Variants in THSD7A observed in about 807,000 individuals in gnomAD.
THSD7A encodes the protein thrombospondin type 1 domain containing 7A.
Under a neutral mutation model 231.3 loss-of-function variants are expected in THSD7A, and 96 were observed. The observed-to-expected ratio is 0.41, with a 90% CI of 0.35 to 0.49. THSD7A has a LOEUF of 0.49. Among genes scored for constraint, THSD7A ranks in the 20% least tolerant of loss-of-function variants. The probability of loss-of-function intolerance (pLI) is 0.05; values close to 1 mark genes in which losing one functional copy is unlikely to be tolerated. For missense variants in THSD7A, 2,290 were observed against 2,070.2 expected, an observed-to-expected ratio of 1.11 and a Z score of -2.06; for synonymous variants, 940 against 743.3, an observed-to-expected ratio of 1.26 and a Z score of -4.30.
chr7:11,755,535 T>C (rs1369446492), intron 1 of THSD7A, among the ~76,000 whole-genome samples: 1 of 152,062 alleles, frequency 6.6e-6, no homozygotes, highest in East Asian at 1.9e-4. Flanking sequence ...GAGGCAGCTC[T>C]GTCACCTATG....
In THSD7A at chr7:11,637,259, T is replaced by C. The variant is rs897496558; in HGVS notation, c.191-298A>G. Among the ~76,000 whole-genome samples the C allele has an allele frequency of 1.3e-5, 2 of 152,202 alleles. No homozygotes were observed. The highest frequency in any genetic ancestry group is 2.9e-5 in the Non-Finnish European group (2 of 68,032). On this transcript the variant is annotated intron_variant, in intron 1 of 27. Coordinates refer to ENST00000423059, the MANE Select transcript of THSD7A (RefSeq NM_015204.3). The surrounding 1 kb of genome is among the most constrained non-coding windows in gnomAD (Gnocchi z 4.2). ...CTTTGTTTTAGGTAGTTAGAAATCC[T>C]TGCTGATAAAGGACATCAGAAATTA... is the stretch of plus-strand genomic sequence containing the variant.
chr7:11,624,010 C>T (rs1324587161), intron 2 of THSD7A, among the ~76,000 whole-genome samples: 1 of 152,178 alleles, frequency 6.6e-6, no homozygotes, highest in African/African-American at 2.4e-5. Flanking sequence ...TTTGCCAGCA[C>T]TATCCAAATC....
rs1215954687 is a variant in THSD7A, at chr7:11,474,848, T to C, written c.2018-280A>G. Among the ~76,000 whole-genome samples the C allele has an allele frequency of 6.6e-6, 1 of 152,070 alleles. No homozygotes were observed. Among genetic ancestry groups the C allele is most frequent in the Non-Finnish European group, 1.5e-5 (1 of 68,014 alleles). Reference sequence around the variant, plus strand: ...TATAATTCTAGATAGAATGAAATAATTATATTGTGCGGTATTTAGTATAAC... The same window carrying C: ...TATAATTCTAGATAGAATGAAATAACTATATTGTGCGGTATTTAGTATAAC... On this transcript the variant is annotated intron_variant, in intron 7 of 27. Coordinates refer to ENST00000423059, the MANE Select transcript of THSD7A (RefSeq NM_015204.3). This position sits in a 1 kb window ranked among gnomAD's most constrained non-coding sequence, Gnocchi z 4.1.
rs180699593 is a variant in THSD7A at position 11,610,143 on chromosome 7, T to C, written c.1023-16641A>G. Reference sequence around the variant, plus strand: ...TTAATAACTTTTTTAGTAGTAACTTTCCTCTCTGGAAGCCACCTAAAACTG... The same window carrying C: ...TTAATAACTTTTTTAGTAGTAACTTCCCTCTCTGGAAGCCACCTAAAACTG... On this transcript the variant is annotated intron_variant, in intron 2 of 27. Coordinates refer to ENST00000423059, the MANE Select transcript of THSD7A (RefSeq NM_015204.3). Among the ~76,000 whole-genome samples the C allele has an allele frequency of 7.7e-4, 117 of 152,278 alleles. No individual in the cohort carries two copies. The East Asian group carries it at 0.019, about 25-fold the overall frequency.
intron 1 of THSD7A, among the ~76,000 whole-genome samples, chr7:11,764,569 C>CAAAA (rs11423096): frequency 3.8e-5 from 4 of 106,330 alleles, no homozygotes; most frequent in African/African-American, 1.0e-4. Context: ...GACTCCGTCT[C>CAAAA]AAAAAAAAAA....
rs1243825882 is a variant in THSD7A, at chr7:11,462,137, G to C, written c.2375C>G (p.Ser792Cys). 5 of 1,613,558 alleles carry C rather than the reference G, an allele frequency of 3.1e-6. No individual in the cohort carries two copies. Among genetic ancestry groups the C allele is most frequent in the South Asian group, 1.1e-5 (1 of 91,078 alleles). The change falls in exon 10 of 28, where the codon TCC (serine) becomes TGC (cysteine). Residue 792 changes from serine to cysteine, a missense_variant. Physicochemically the swap from Ser to Cys is moderately radical, Grantham distance 112 (BLOSUM62 -1). Transcript: ENST00000423059. ...SCPSSCKEGD[S>C]SIRKQSRHRV... Reference sequence around the variant, plus strand: ...ATGCCTAGACTGCTTCCTGATACTGGAGTCCCCTGCAATGAAGCAGTTTTT... The same window carrying C: ...ATGCCTAGACTGCTTCCTGATACTGCAGTCCCCTGCAATGAAGCAGTTTTT...
At chr7:11,781,534 CTAT>C (rs770025275) in intron 1 of THSD7A, among the ~76,000 whole-genome samples, 11 of 152,120 alleles carry the variant, frequency 7.2e-5, no homozygotes, top group Non-Finnish European at 1.5e-4. Context: ...TGTAAAAATC[CTAT>C]TTAATAACTT....
chr7:11,539,533 T>G (rs1260873779), intron 6 of THSD7A, among the ~76,000 whole-genome samples: 4 of 152,242 alleles, frequency 2.6e-5, no homozygotes, highest in Admixed American at 2.0e-4. Context: ...GCTTTTTAGG[T>G]TATAACATAC....
intron 4 of THSD7A, among the ~76,000 whole-genome samples, chr7:11,558,064 T>G (rs1583971158): frequency 6.6e-6 from 1 of 152,182 alleles, no homozygotes; most frequent in Admixed American, 6.5e-5. Flanking sequence ...TTTGTTAGGG[T>G]TTTTACAAAT....
At chr7:11,795,540 C>A (rs1638978170) in intron 1 of THSD7A, among the ~76,000 whole-genome samples, 1 of 151,826 alleles carries the variant, frequency 6.6e-6, no homozygotes. Context: ...TTGTAGGTCG[C>A]ATTCATTATG....
chr7:11,531,297 C>A (rs1040093360), intron 6 of THSD7A, among the ~76,000 whole-genome samples: 1 of 152,118 alleles, frequency 6.6e-6, no homozygotes, highest in Non-Finnish European at 1.5e-5. Flanking sequence ...TTCTCTGCTC[C>A]CCTAAAGTTC....
intron 1 of THSD7A, among the ~76,000 whole-genome samples, chr7:11,730,776 C>T (rs1781701131): frequency 6.6e-6 from 1 of 151,504 alleles, no homozygotes; most frequent in African/African-American, 2.4e-5. Flanking sequence ...TGTTGAATAT[C>T]CCCTTTATAT....
In THSD7A at chr7:11,424,336, G is replaced by A. The variant is rs1302723464; in HGVS notation, c.3383+360C>T. On this transcript the variant is annotated intron_variant, in intron 16 of 27. Coordinates refer to ENST00000423059, the MANE Select transcript of THSD7A (RefSeq NM_015204.3). ...AGGATAGTATTCAGTTAGCCAGTTTGATACAAAAGAGCAAGAGTTTAAAAC... is the reference window on the plus strand; with the variant it reads ...AGGATAGTATTCAGTTAGCCAGTTTAATACAAAAGAGCAAGAGTTTAAAAC... Among the ~76,000 whole-genome samples, 5 of 152,204 alleles carry A rather than the reference G, an allele frequency of 3.3e-5. No individual in the cohort carries two copies. In the East Asian group the frequency reaches 9.6e-4, roughly 29 times the overall value.
intron 23 of THSD7A, chr7:11,385,539 T>A (rs561364902): frequency 3.9e-5 from 6 of 152,234 alleles, no homozygotes; most frequent in East Asian, 1.9e-4. Flanking sequence ...AAAAATTATA[T>A]CTTTATTTCT....
chr7:11,595,089 A>G (rs1780311368), intron 2 of THSD7A, among the ~76,000 whole-genome samples: 1 of 151,984 alleles, frequency 6.6e-6, no homozygotes, highest in South Asian at 2.1e-4. Context: ...GAGGAGATAA[A>G]CCCTGCACTG....
chr7:11,821,219 T>C, intron 1 of THSD7A: 2 of 1,188,606 alleles, frequency 1.7e-6, no homozygotes, highest in African/African-American at 1.5e-5. Flanking sequence ...ATGGTCACTA[T>C]ATGTTGGGCT....
At chr7:11,792,353 T>C (rs1385348999) in intron 1 of THSD7A, among the ~76,000 whole-genome samples, 1 of 151,968 alleles carries the variant, frequency 6.6e-6, no homozygotes, top group Non-Finnish European at 1.5e-5. Flanking sequence ...TGCTGAAAAG[T>C]CCTTGATGGC....
At chr7:11,643,463 C>A (rs1395764656) in intron 1 of THSD7A, among the ~76,000 whole-genome samples, 1 of 152,076 alleles carries the variant, frequency 6.6e-6, no homozygotes, top group East Asian at 1.9e-4. Context: ...ATTTTGCTGT[C>A]CTTCTACTAG....
chr7:11,567,339 G>C (rs911814244), intron 4 of THSD7A, among the ~76,000 whole-genome samples: 2 of 151,744 alleles, frequency 1.3e-5, no homozygotes, highest in African/African-American at 2.4e-5. Context: ...CAAATCTCGT[G>C]AGAACTCACT....
Sources: allele counts gnomAD v4.1 joint callset (sites outside exome capture counted in the v4.1 genomes callset), GRCh38; gene constraint gnomAD v4.1.1; non-coding constraint Gnocchi (gnomAD v3.1); transcripts MANE v1.5; gene names NCBI Gene and HGNC (gene_info 2026-07-23, HGNC 2026-07-21).